SLC25A21: variants seen among roughly 807,000 people sequenced by gnomAD.
SLC25A21 encodes the protein mitochondrial 2-oxodicarboxylate carrier.
SLC25A21 carries 47 observed loss-of-function variants against 43.8 expected under a neutral mutation model. That is an observed-to-expected ratio of 1.07 (90% CI 0.85 to 1.37). The LOEUF is 1.37. Among genes scored for constraint, SLC25A21 ranks in the 40% most tolerant of loss-of-function variants. The pLI is 0.00. For synonymous variants in SLC25A21, 131 were observed against 121.3 expected (o/e 1.08, Z -0.52); for missense variants, 352 against 350.2 (o/e 1.00, Z -0.04).
chr14:37,062,172 C>T (rs897907949), intron 1 of SLC25A21, among the ~76,000 whole-genome samples: 3 of 152,214 alleles, frequency 2.0e-5, no homozygotes, highest in Admixed American at 2.0e-4. Context: ...ATTTTAACTA[C>T]ATATGGATTA....
chr14:36,988,622 A>G (rs9805891), intron 1 of SLC25A21, among the ~76,000 whole-genome samples: 30,663 of 151,818 alleles, frequency 0.2, 3,330 homozygotes, highest in East Asian at 0.35. Context: ...AATGGATCTC[A>G]CCCCCTATTG....
At chr14:37,111,385 T>C (rs1305414233) in intron 1 of SLC25A21, among the ~76,000 whole-genome samples, 1 of 152,052 alleles carries the variant, frequency 6.6e-6, no homozygotes, top group Non-Finnish European at 1.5e-5. Flanking sequence ...ATAAATCAGA[T>C]GTTAGTTTTT....
At chr14:36,891,462 T>G (rs969486623) in intron 1 of SLC25A21, among the ~76,000 whole-genome samples, 5 of 152,116 alleles carry the variant, frequency 3.3e-5, no homozygotes, top group African/African-American at 1.2e-4. Context: ...GAGCAACATT[T>G]CTATTATAAC....
chr14:37,111,395 T>G (rs1963017183), intron 1 of SLC25A21, among the ~76,000 whole-genome samples: 1 of 152,126 alleles, frequency 6.6e-6, no homozygotes, highest in Admixed American at 6.6e-5. Flanking sequence ...TGTTAGTTTT[T>G]AAATACTGAT....
intron 4 of SLC25A21, 61 bp downstream of exon 4, chr14:36,734,444 TTG>T: frequency 8.0e-7 from 1 of 1,247,884 alleles, no homozygotes; most frequent in Non-Finnish European, 1.1e-6. Context: ...TCTTAAGAGT[TTG>T]TTGTGCTGAA....
chr14:37,013,932 C>T (rs1960789747), intron 1 of SLC25A21, among the ~76,000 whole-genome samples: 1 of 152,122 alleles, frequency 6.6e-6, no homozygotes, highest in Non-Finnish European at 1.5e-5. Flanking sequence ...CTATTAGTAG[C>T]AGGCTATATA....
At chr14:36,858,836 A>G (rs1302452062) in intron 2 of SLC25A21, among the ~76,000 whole-genome samples, 1 of 152,172 alleles carries the variant, frequency 6.6e-6, no homozygotes, top group Admixed American at 6.5e-5. Flanking sequence ...CTCTTTTCCA[A>G]TTCTTCAACC....
intron 1 of SLC25A21, among the ~76,000 whole-genome samples, chr14:37,023,860 G>A (rs982863075): frequency 1.3e-5 from 2 of 151,754 alleles, no homozygotes; most frequent in Non-Finnish European, 2.9e-5. Flanking sequence ...GTGGTTGCAT[G>A]AGTTTGTTTC....
chr14:36,726,857 G>A lies in SLC25A21; in HGVS notation c.331-1180C>T, dbSNP rs146362334. ...AAAACCAGTGAAGAGTAAATAACAG[G>A]TAACTCTTGTTAATGGGCTCTAATA... On this transcript the variant is annotated intron_variant, in intron 5 of 9. Coordinates refer to ENST00000331299, the MANE Select transcript of SLC25A21 (RefSeq NM_030631.4). Among the ~76,000 whole-genome samples the A allele has an allele frequency of 2.6e-3, 389 of 152,298 alleles. 8 individuals carry two copies. The South Asian group carries it at 0.029, about 12-fold the overall frequency.
At chr14:36,899,509 A>AT (rs1891342474) in intron 1 of SLC25A21, among the ~76,000 whole-genome samples, 1 of 152,202 alleles carries the variant, frequency 6.6e-6, no homozygotes, top group Admixed American at 6.5e-5. Flanking sequence ...TACAGGGAGA[A>AT]TGGTAGCATC....
intron 1 of SLC25A21, among the ~76,000 whole-genome samples, chr14:36,919,911 C>T (rs555066755): frequency 6.6e-6 from 1 of 152,162 alleles, no homozygotes; most frequent in South Asian, 2.1e-4. Flanking sequence ...ATTTCATTCT[C>T]TGTAAGTGAA....
chr14:36,782,065 C>G (rs1594583004), intron 3 of SLC25A21, among the ~76,000 whole-genome samples: 2 of 152,160 alleles, frequency 1.3e-5, no homozygotes, highest in South Asian at 4.1e-4. Flanking sequence ...CCACTCTCCC[C>G]TGGCCTGCAA....
chr14:36,995,865 C>T (rs1048735330), intron 1 of SLC25A21, among the ~76,000 whole-genome samples: 2 of 152,186 alleles, frequency 1.3e-5, no homozygotes, highest in African/African-American at 4.8e-5. Context: ...TACTGAAGAA[C>T]AACAACATAA....
At chr14:37,101,304 A>G (rs1962812920) in intron 1 of SLC25A21, among the ~76,000 whole-genome samples, 1 of 152,014 alleles carries the variant, frequency 6.6e-6, no homozygotes, top group East Asian at 1.9e-4. Context: ...AGTTTATGTG[A>G]CTCCGTGAGC....
intron 2 of SLC25A21, among the ~76,000 whole-genome samples, chr14:36,847,859 C>G (rs1317599037): frequency 1.3e-5 from 2 of 152,218 alleles, no homozygotes; most frequent in African/African-American, 4.8e-5. Flanking sequence ...AGTGAACACT[C>G]AGCCTTTTAC....
intron 1 of SLC25A21, among the ~76,000 whole-genome samples, chr14:36,999,160 A>T (rs1960434139): frequency 6.6e-6 from 1 of 152,186 alleles, no homozygotes; most frequent in South Asian, 2.1e-4. Context: ...TGGATACATA[A>T]ACTGTGGTAC....
At chr14:36,895,513 G>T (rs1437640432) in intron 1 of SLC25A21, among the ~76,000 whole-genome samples, 1 of 152,008 alleles carries the variant, frequency 6.6e-6, no homozygotes, top group African/African-American at 2.4e-5. Context: ...CTGATTTTTT[G>T]AAGGGTTTTT....
intron 1 of SLC25A21, among the ~76,000 whole-genome samples, chr14:37,073,314 T>G (rs371755771): frequency 6.6e-6 from 1 of 152,260 alleles, no homozygotes; most frequent in Non-Finnish European, 1.5e-5. Context: ...CAATCCACTA[T>G]ATAAGTAACT....
chr14:36,814,224 T>C (rs1263410824), intron 2 of SLC25A21, among the ~76,000 whole-genome samples: 1 of 152,234 alleles, frequency 6.6e-6, no homozygotes, highest in Admixed American at 6.5e-5. Context: ...AAAAAAAATG[T>C]ATTTTCATCT....
Sources: gnomAD v4.1 joint callset for allele counts (sites outside exome capture counted in the v4.1 genomes callset) on GRCh38, gnomAD v4.1.1 for gene constraint, MANE v1.5 for transcripts, NCBI Gene and HGNC (gene_info 2026-07-23, HGNC 2026-07-21) for gene names.